Variants in TAFA5 observed in about 807,000 individuals in gnomAD.
TAFA5 encodes chemokine-like protein TAFA-5.
Under a neutral mutation model 15.3 loss-of-function variants are expected in TAFA5, and 6 were observed. The ratio of observed to expected loss-of-function variants is 0.39; its 90% CI spans 0.21 to 0.77. The LOEUF (loss-of-function observed/expected upper bound fraction) is 0.77, where lower values mean the gene tolerates loss of function less well. Among genes scored for constraint, TAFA5 ranks in the 30% least tolerant of loss-of-function variants. The probability of loss-of-function intolerance (pLI) is 0.41; values close to 1 mark genes in which losing one functional copy is unlikely to be tolerated. For synonymous variants in TAFA5, 103 were observed against 80.7 expected, an observed-to-expected ratio of 1.28 and a Z score of -1.48; for missense variants, 161 against 193.1, an observed-to-expected ratio of 0.83 and a Z score of 0.98.
chr22:48,541,320 T>C (rs919964263), intron 1 of TAFA5, among the ~76,000 whole-genome samples: 13 of 152,142 alleles, frequency 8.5e-5, no homozygotes, highest in Admixed American at 8.5e-4. Flanking sequence ...CTGTCCCTGC[T>C]GGGGTGTTTG....
At chr22:48,734,931 ACT>A (rs1398156709) in intron 3 of TAFA5, among the ~76,000 whole-genome samples, 1 of 152,110 alleles carries the variant, frequency 6.6e-6, no homozygotes, top group Non-Finnish European at 1.5e-5. Context: ...GATAAAGGAA[ACT>A]CTGAGATGAC....
chr22:48,633,173 G>A (rs1183518568), intron 1 of TAFA5, among the ~76,000 whole-genome samples: 1 of 152,204 alleles, frequency 6.6e-6, no homozygotes, highest in African/African-American at 2.4e-5. Context: ...TGGGCCTCCT[G>A]GAGGACTCCA....
rs536231553 is a variant in TAFA5, at chr22:48,740,033, A to G, written c.391-9806A>G. 2.6e-5 allele frequency among the ~76,000 whole-genome samples: 4 copies of G among 152,214 alleles called. No individual in the cohort carries two copies. In the South Asian group the frequency reaches 6.2e-4, roughly 24 times the overall value. On this transcript the variant is annotated intron_variant, in intron 3 of 3. Transcript: ENST00000402357. The stretch of plus-strand genomic sequence containing the variant: ...CGGATGTGCTGATTCCTTAGAACCC[A>G]CCAAGTGCCCATCCTCCTGGACACT...
At chr22:48,574,194 C>T (rs1248537886) in intron 1 of TAFA5, among the ~76,000 whole-genome samples, 7 of 152,252 alleles carry the variant, frequency 4.6e-5, no homozygotes, top group Non-Finnish European at 7.3e-5. Context: ...GGCAGATCCA[C>T]AGCTGCTTAG....
intron 1 of TAFA5, among the ~76,000 whole-genome samples, chr22:48,643,542 T>G (rs9628510): frequency 0.64 from 97,081 of 152,074 alleles, 32,102 homozygotes; most frequent in African/African-American, 0.8. Context: ...AGAGGAGGAG[T>G]CCAGCTAGGA....
At chr22:48,665,766 C>T (rs989629232) in intron 2 of TAFA5, among the ~76,000 whole-genome samples, 18 of 152,162 alleles carry the variant, frequency 1.2e-4, no homozygotes, top group Non-Finnish European at 1.2e-4. Context: ...ATGTCTCATC[C>T]GCTGAAAGCC....
chr22:48,500,985 C>A (rs1010304707), intron 1 of TAFA5, among the ~76,000 whole-genome samples: 2 of 152,016 alleles, frequency 1.3e-5, no homozygotes, highest in African/African-American at 4.8e-5. Flanking sequence ...GCCCAAGGCC[C>A]CTTCCATGGG....
intron 3 of TAFA5, among the ~76,000 whole-genome samples, chr22:48,726,990 C>CACTCTCA (rs1929735123): frequency 6.6e-6 from 1 of 152,138 alleles, no homozygotes; most frequent in South Asian, 2.1e-4. Flanking sequence ...ATCTTCCGTA[C>CACTCTCA]GGGGTCACTC....
At chr22:48,531,771 T>A (rs1921982306) in intron 1 of TAFA5, among the ~76,000 whole-genome samples, 1 of 152,182 alleles carries the variant, frequency 6.6e-6, no homozygotes, top group Non-Finnish European at 1.5e-5. Context: ...CCCCCAGGAC[T>A]GCACTCTCTA....
chr22:48,673,307 C>T (rs1316769938), intron 2 of TAFA5, among the ~76,000 whole-genome samples: 1 of 114,446 alleles, frequency 8.7e-6, no homozygotes, highest in East Asian at 3.1e-4. Context: ...AGAGTTTCTG[C>T]CTCTGTGTGT....
chr22:48,610,506 C>A (rs1403357536), intron 1 of TAFA5, among the ~76,000 whole-genome samples: 1 of 152,254 alleles, frequency 6.6e-6, no homozygotes, highest in East Asian at 1.9e-4. Flanking sequence ...GGTGAGGGAC[C>A]ACAGAAGGCC....
At chr22:48,512,705 G>T in intron 1 of TAFA5, among the ~76,000 whole-genome samples, 1 of 151,986 alleles carries the variant, frequency 6.6e-6, no homozygotes, top group Non-Finnish European at 1.5e-5. Context: ...TGGATCACGA[G>T]GTCAGGAGAT....
At chr22:48,653,085 C>G (rs150305375) in intron 2 of TAFA5, among the ~76,000 whole-genome samples, 1 of 152,220 alleles carries the variant, frequency 6.6e-6, no homozygotes, top group African/African-American at 2.4e-5. Context: ...CATACATCTC[C>G]GCGCAGACTG....
At chr22:48,627,079 C>T (rs1053199390) in intron 1 of TAFA5, among the ~76,000 whole-genome samples, 9 of 152,184 alleles carry the variant, frequency 5.9e-5, no homozygotes, top group African/African-American at 1.9e-4. Context: ...CCTCTGTTTC[C>T]TGTAATCTGC....
intron 2 of TAFA5, among the ~76,000 whole-genome samples, chr22:48,684,013 T>G (rs1928277420): frequency 6.6e-6 from 1 of 152,208 alleles, no homozygotes; most frequent in Admixed American, 6.5e-5. Context: ...AAACTTTTTT[T>G]TCTTTATAAA....
intron 1 of TAFA5, among the ~76,000 whole-genome samples, chr22:48,633,912 A>G (rs1166594003): frequency 6.6e-6 from 1 of 152,190 alleles, no homozygotes; most frequent in East Asian, 1.9e-4. Flanking sequence ...ATTTCTCACA[A>G]TCGTGGGTGA....
At chr22:48,638,417 T>C (rs1926536375) in intron 1 of TAFA5, among the ~76,000 whole-genome samples, 1 of 95,778 alleles carries the variant, frequency 1.0e-5, no homozygotes, top group Non-Finnish European at 2.1e-5. Context: ...CACTAAGCCC[T>C]GGGACACCGC....
At chr22:48,691,694 C>T (rs897462173) in intron 2 of TAFA5, among the ~76,000 whole-genome samples, 6 of 152,228 alleles carry the variant, frequency 3.9e-5, no homozygotes, top group Non-Finnish European at 5.9e-5. Flanking sequence ...GTGGACCCTA[C>T]GGGGCGCCTG....
chr22:48,656,753 C>G (rs1384797312), intron 2 of TAFA5, among the ~76,000 whole-genome samples: 1 of 4,108 alleles, frequency 2.4e-4, no homozygotes, highest in African/African-American at 6.0e-4. Flanking sequence ...GAGATGGAGT[C>G]TCTTTTTTTT....
Sources: allele counts gnomAD v4.1 joint callset (sites outside exome capture counted in the v4.1 genomes callset), GRCh38; gene constraint gnomAD v4.1.1; transcripts MANE v1.5; gene names NCBI Gene and HGNC (gene_info 2026-07-23, HGNC 2026-07-21).